The following CYTH3 variants were observed in gnomAD, a reference collection of about 807,000 sequenced individuals.
CYTH3 encodes the protein cytohesin 3.
CYTH3 carries 23 observed loss-of-function variants against 55.1 expected under a neutral mutation model. The ratio of observed to expected loss-of-function variants is 0.42; its 90% CI spans 0.30 to 0.59. CYTH3 has a LOEUF of 0.59. Ranked by LOEUF, CYTH3 falls within the 20% of genes least tolerant of loss-of-function variation. CYTH3 has a pLI of 0.20. For missense variants in CYTH3, 413 were observed against 524.8 expected (o/e 0.79, Z 2.08); for synonymous variants, 249 against 194.9 (o/e 1.28, Z -2.31).
chr7:6,195,320 A>C (rs781204498), intron 1 of CYTH3, among the ~76,000 whole-genome samples: 1 of 152,214 alleles, frequency 6.6e-6, no homozygotes, highest in Non-Finnish European at 1.5e-5. Context: ...CTTTCTTAGT[A>C]AACTTTTGTC....
intron 1 of CYTH3, among the ~76,000 whole-genome samples, chr7:6,265,618 CAA>C (rs111748997): frequency 2.7e-4 from 30 of 109,830 alleles, no homozygotes; most frequent in East Asian, 3.3e-4. Context: ...GACTCCATTT[CAA>C]AAAAAAAAAA....
In CYTH3 at chr7:6,259,804, TATATATATAATATATATATATATATATA is replaced by T. The variant is rs1780289116; in HGVS notation, c.34+12642_34+12669del. On this transcript the variant is annotated intron_variant, in intron 1 of 12. Coordinates refer to ENST00000350796, the MANE Select transcript of CYTH3 (RefSeq NM_004227.4). ...TATATAATATATATATATATATATA[TATATATATAATATATATATATATATATA>T]TTTTTTTTTTTTTTTAAGACGGATT... 6.3e-4 allele frequency among the ~76,000 whole-genome samples: 19 copies of T among 30,158 alleles called. 1 individual carries two copies. The highest frequency in any genetic ancestry group is 3.7e-3 in the South Asian group (4 of 1,076). 19.8% of individuals were successfully genotyped at this position (30,158 alleles called of 152,430 possible).
In CYTH3 at chr7:6,259,794, T is replaced by TATA. The variant is rs1276239818; in HGVS notation, c.34+12677_34+12679dup. 6.8e-3 allele frequency among the ~76,000 whole-genome samples: 122 copies of TATA among 18,054 alleles called. 6 individuals are homozygous for TATA. Among genetic ancestry groups the TATA allele is most frequent in the East Asian group, 0.019 (15 of 774 alleles). 11.8% of individuals were successfully genotyped at this position (18,054 alleles called of 152,430 possible). On this transcript the variant is annotated intron_variant, in intron 1 of 12. Coordinates refer to ENST00000350796, the MANE Select transcript of CYTH3 (RefSeq NM_004227.4). Reference sequence around the variant, plus strand: ...ATATTATATATATATAATATATATATATATATATATATATATATAATATAT... The same window carrying TATA: ...ATATTATATATATATAATATATATATATAATATATATATATATATATAATATAT...
chr7:6,259,787 A>AT (rs1780269122), intron 1 of CYTH3, among the ~76,000 whole-genome samples: 1 of 15,112 alleles, frequency 6.6e-5, no homozygotes, highest in African/African-American at 1.0e-3. Context: ...TATATATAAT[A>AT]TATATATATA....
chr7:6,184,409 T>A (rs1783586591), intron 4 of CYTH3, among the ~76,000 whole-genome samples: 1 of 152,058 alleles, frequency 6.6e-6, no homozygotes, highest in African/African-American at 2.4e-5. Flanking sequence ...ACAAGTGCTA[T>A]ATTCAAGTCT....
At chr7:6,179,544 C>T (rs1783421723) in intron 4 of CYTH3, among the ~76,000 whole-genome samples, 2 of 151,792 alleles carry the variant, frequency 1.3e-5, no homozygotes. Flanking sequence ...TCATATGTAT[C>T]TGGTGATGGT....
chr7:6,261,423 G>C (rs922149680), intron 1 of CYTH3, among the ~76,000 whole-genome samples: 1 of 152,122 alleles, frequency 6.6e-6, no homozygotes, highest in African/African-American at 2.4e-5. Flanking sequence ...TAATTTTAAA[G>C]TGATATTCCG....
At chr7:6,178,056 A>G in intron 4 of CYTH3, 115 bp from the exon 5 acceptor site, 1 of 728,066 alleles carries the variant, frequency 1.4e-6, no homozygotes, top group Middle Eastern at 2.5e-4. Context: ...CAAAAATAAT[A>G]CCAGAGACAC....
intron 4 of CYTH3, among the ~76,000 whole-genome samples, chr7:6,186,715 G>A (rs1354872129): frequency 2.0e-5 from 3 of 152,160 alleles, no homozygotes; most frequent in African/African-American, 7.2e-5. Context: ...AGGTCAAGCG[G>A]GAAGATGCGA....
chr7:6,217,051 T>C (rs2128550555), intron 1 of CYTH3, among the ~76,000 whole-genome samples: 1 of 152,188 alleles, frequency 6.6e-6, no homozygotes, highest in Non-Finnish European at 1.5e-5. Context: ...TAGCTGGGAT[T>C]ACAGGCGTGT....
At chr7:6,179,314 T>C (rs1437821510) in intron 4 of CYTH3, among the ~76,000 whole-genome samples, 22 of 152,130 alleles carry the variant, frequency 1.4e-4, no homozygotes, top group African/African-American at 3.4e-4. Context: ...GCAAAACTTA[T>C]GGTGATTAAG....
chr7:6,179,109 G>A (rs886749121), intron 4 of CYTH3, among the ~76,000 whole-genome samples: 3 of 152,122 alleles, frequency 2.0e-5, no homozygotes, highest in African/African-American at 7.2e-5. Context: ...AACGTCCACA[G>A]CAGCCTTATT....
At chr7:6,264,004 T>G (rs1780421168) in intron 1 of CYTH3, among the ~76,000 whole-genome samples, 1 of 152,020 alleles carries the variant, frequency 6.6e-6, no homozygotes. Flanking sequence ...CCCAGCACTT[T>G]GGGAGGCTGA....
intron 4 of CYTH3, among the ~76,000 whole-genome samples, chr7:6,185,368 C>T (rs530580278): frequency 6.6e-6 from 1 of 150,954 alleles, no homozygotes; most frequent in Non-Finnish European, 1.5e-5. Flanking sequence ...GGCAGATCAC[C>T]TGAGGTCAGG....
At chr7:6,174,188 A>C (rs1303104846) in intron 5 of CYTH3, among the ~76,000 whole-genome samples, 1 of 151,444 alleles carries the variant, frequency 6.6e-6, no homozygotes, top group Non-Finnish European at 1.5e-5. Flanking sequence ...ATCTCAACTC[A>C]CCGAAATCTC....
At chr7:6,236,362 G>C (rs542732460) in intron 1 of CYTH3, among the ~76,000 whole-genome samples, 37 of 80,638 alleles carry the variant, frequency 4.6e-4, no homozygotes, top group African/African-American at 1.5e-3. Flanking sequence ...CACTACGCCT[G>C]ACTTTTTTTT....
intron 1 of CYTH3, 66 bp downstream of exon 1, chr7:6,272,408 T>TCGGGGGGGGGGGCGC: frequency 8.3e-7 from 1 of 1,207,034 alleles, no homozygotes; most frequent in African/African-American, 1.7e-5. Flanking sequence ...CGCCGCGCCC[T>TCGGGGGGGGGGGCGC]CGACCCCCAG....
At chr7:6,182,172 C>T (rs890119652) in intron 4 of CYTH3, among the ~76,000 whole-genome samples, 11 of 152,200 alleles carry the variant, frequency 7.2e-5, no homozygotes, top group Admixed American at 2.6e-4. Flanking sequence ...CTCAGCCTCC[C>T]GAGTAGCTGA....
At chr7:6,254,465 T>C (rs1780050886) in intron 1 of CYTH3, among the ~76,000 whole-genome samples, 1 of 152,264 alleles carries the variant, frequency 6.6e-6, no homozygotes, top group Non-Finnish European at 1.5e-5. Context: ...TTGTAACTTT[T>C]TGAGACGGAG....
Sources: gnomAD v4.1 joint callset for allele counts (sites outside exome capture counted in the v4.1 genomes callset) on GRCh38, gnomAD v4.1.1 for gene constraint, MANE v1.5 for transcripts, NCBI Gene and HGNC (gene_info 2026-07-23, HGNC 2026-07-21) for gene names.